POU2F2: variants seen among roughly 807,000 people sequenced by gnomAD.
The protein encoded by POU2F2 is POU domain, class 2, transcription factor 2.
In POU2F2, 14 loss-of-function variants were observed where a neutral mutation model predicts 63.5. The ratio of observed to expected loss-of-function variants is 0.22; its 90% CI spans 0.15 to 0.34. The LOEUF is 0.34. POU2F2 is among the 10% of genes least tolerant of loss of function. The pLI is 1.00. For synonymous variants in POU2F2, 306 were observed against 348.6 expected (o/e 0.88, Z 1.36); for missense variants, 607 against 815.2 (o/e 0.74, Z 3.11).
chr19:42,190,685 C>G (rs543069461), intron 1 of POU2F2, among the ~76,000 whole-genome samples: 1 of 152,014 alleles, frequency 6.6e-6, no homozygotes, highest in Non-Finnish European at 1.5e-5. Context: ...GAAAGCCTGT[C>G]TCTATTAAAA....
intron 1 of POU2F2, among the ~76,000 whole-genome samples, chr19:42,195,327 T>TTGC (rs1408015305): frequency 1.1e-3 from 163 of 148,300 alleles, no homozygotes; most frequent in African/African-American, 4.1e-3. Context: ...CCTCCCTCTT[T>TTGC]TTCTTTTTTT....
intron 1 of POU2F2, among the ~76,000 whole-genome samples, chr19:42,193,353 G>A (rs984106693): frequency 2.6e-5 from 4 of 152,130 alleles, no homozygotes; most frequent in African/African-American, 7.2e-5. Context: ...GAAATGAAGA[G>A]ATTATCCTGG....
intron 7 of POU2F2, among the ~76,000 whole-genome samples, chr19:42,097,953 T>C (rs2076985678): frequency 6.6e-6 from 1 of 152,204 alleles, no homozygotes; most frequent in South Asian, 2.1e-4. Context: ...ATCCACCCAC[T>C]CTCACCCCTC....
intron 2 of POU2F2, among the ~76,000 whole-genome samples, chr19:42,160,147 C>T (rs1198463747): frequency 1.3e-5 from 2 of 151,994 alleles, no homozygotes; most frequent in African/African-American, 2.4e-5. Context: ...TGGTTTGGCC[C>T]GAAAGCCACA....
Position 42,090,693 on chromosome 19 carries a change from GC to G in POU2F2, c.*563del, listed in dbSNP as rs2076681708. ...AAGAACATTTGGTGGGTGGTGCTAA[GC>G]CCCAGCCCATCTGCCCAGGCTGTGC... is the stretch of plus-strand genomic sequence containing the variant. On this transcript the variant is annotated 3_prime_UTR_variant, in exon 15 of 15. Transcript: ENST00000692977. This position sits in a 1 kb window ranked among gnomAD's most constrained non-coding sequence, Gnocchi z 4.4. The G allele has an allele frequency of 6.5e-6, 1 of 153,352 alleles. No individual in the cohort carries two copies. Among genetic ancestry groups the G allele is most frequent in the South Asian group, 2.0e-4 (1 of 4,880 alleles). 9.5% of individuals were successfully genotyped at this position (153,352 alleles called of 1,614,324 possible).
At chr19:42,173,993 C>T (rs1252075033) in intron 1 of POU2F2, among the ~76,000 whole-genome samples, 2 of 152,194 alleles carry the variant, frequency 1.3e-5, no homozygotes, top group Non-Finnish European at 2.9e-5. Flanking sequence ...TTTGTTACTA[C>T]AGAAGGTCCA....
At chr19:42,129,053 G>A (rs1286466242) in intron 1 of POU2F2, among the ~76,000 whole-genome samples, 23 of 152,018 alleles carry the variant, frequency 1.5e-4, no homozygotes, top group East Asian at 9.7e-4. Context: ...GGCTGGTCTC[G>A]AACTCCTGAC....
chr19:42,117,501 G>T lies in POU2F2; in HGVS notation c.187-69C>A. ...GCTGGCACAGGAGGAGCAGACTGGGGTGTGGACATGAGGGTGCAGTCTGTG... is the reference window on the plus strand; with the variant it reads ...GCTGGCACAGGAGGAGCAGACTGGGTTGTGGACATGAGGGTGCAGTCTGTG... On this transcript the variant is annotated intron_variant, in intron 4 of 14. Coordinates refer to ENST00000692977, the MANE Select transcript of POU2F2 (RefSeq NM_001394376.1). The surrounding 1 kb of genome is among the most constrained non-coding windows in gnomAD (Gnocchi z 4.4). 2.9e-6 allele frequency: 2 copies of T among 700,582 alleles called. No individual in the cohort carries two copies. The highest frequency in any genetic ancestry group is 2.8e-5 in the East Asian group (1 of 35,532). 43.4% of individuals were successfully genotyped at this position (700,582 alleles called of 1,614,324 possible). A position where few individuals can be genotyped will look rare whatever the true frequency, so the allele number is the denominator to read the frequency against.
intron 1 of POU2F2, among the ~76,000 whole-genome samples, chr19:42,190,394 G>T (rs927406844): frequency 2.0e-5 from 3 of 152,020 alleles, no homozygotes; most frequent in Non-Finnish European, 4.4e-5. Context: ...AGACTGAAAG[G>T]GTAGGGTTGT....
rs2034383380 is a variant in POU2F2 at position 42,152,925 on chromosome 19, C to G, written c.-9+7407G>C. On this transcript the variant is annotated intron_variant, in intron 2 of 6. Transcript: ENST00000524801. The surrounding 1 kb of genome is among the most constrained non-coding windows in gnomAD (Gnocchi z 4.1). ...GGTTCAGAGAGACACTGTCCTGAGC[C>G]CATGAGGCAGGGGAAGGTCTGGGGT... 6.6e-6 allele frequency among the ~76,000 whole-genome samples: 1 copy of G among 152,120 alleles called. No individual in the cohort carries two copies. Among genetic ancestry groups the G allele is most frequent in the Non-Finnish European group, 1.5e-5 (1 of 68,016 alleles).
intron 7 of POU2F2, 182 bp downstream of exon 7, chr19:42,099,345 T>C (rs1258031485): frequency 1.0e-5 from 6 of 601,768 alleles, no homozygotes; most frequent in Non-Finnish European, 1.8e-5. Flanking sequence ...CCTCATTCTA[T>C]AGAGGAAGAG....
At chr19:42,186,182 G>A (rs1339075948) in intron 1 of POU2F2, among the ~76,000 whole-genome samples, 2 of 151,928 alleles carry the variant, frequency 1.3e-5, no homozygotes, top group Non-Finnish European at 2.9e-5. Flanking sequence ...AAAATTAGCC[G>A]GGTGTGGTGG....
At chr19:42,122,055 C>T (rs10421547) in intron 4 of POU2F2, 71 bp downstream of exon 4, 85,917 of 1,472,730 alleles carry the variant, frequency 0.058, 2,864 homozygotes, top group Non-Finnish European at 0.066. Context: ...AGCCCTTGGA[C>T]TGAGGCAGGC....
At chr19:42,114,870 G>A (rs921521613) in intron 5 of POU2F2, among the ~76,000 whole-genome samples, 5 of 152,198 alleles carry the variant, frequency 3.3e-5, no homozygotes, top group East Asian at 1.9e-4. Flanking sequence ...GCTGAGCACC[G>A]TGGCTCATGC....
chr19:42,155,146 A>G lies in POU2F2; in HGVS notation c.-9+5186T>C, dbSNP rs960870922. ...CCTGCCTCAGCTGCAGCTGCCCCGC[A>G]CTGTTTTTTCTTTCTCATTGTCCCC... On this transcript the variant is annotated intron_variant, in intron 2 of 6. Transcript: ENST00000524801. The surrounding 1 kb of genome is among the most constrained non-coding windows in gnomAD (Gnocchi z 4.2). Among the ~76,000 whole-genome samples the G allele has an allele frequency of 2.0e-5, 3 of 152,040 alleles. No individual in the cohort carries two copies. The highest frequency in any genetic ancestry group is 7.2e-5 in the African/African-American group (3 of 41,382).
chr19:42,150,684 C>T (rs1394460659), intron 2 of POU2F2, among the ~76,000 whole-genome samples: 1 of 152,020 alleles, frequency 6.6e-6, no homozygotes, highest in African/African-American at 2.4e-5. Flanking sequence ...CTCCTGCAGC[C>T]ACCGCTTAGT....
upstream of POU2F2, among the ~76,000 whole-genome samples, chr19:42,133,941 AAGGACTG>A (rs1363843290): frequency 6.6e-6 from 1 of 152,074 alleles, no homozygotes; most frequent in African/African-American, 2.4e-5. The surrounding 1 kb of genome is among the most constrained non-coding windows in gnomAD (Gnocchi z 5.1). Flanking sequence ...GCACAACAGG[AAGGACTG>A]GCAGTTCTCA....
intron 1 of POU2F2, among the ~76,000 whole-genome samples, chr19:42,192,239 A>G (rs1321878682): frequency 6.6e-6 from 1 of 152,192 alleles, no homozygotes; most frequent in Admixed American, 6.5e-5. Flanking sequence ...GAGGAAGTCT[A>G]TGAGCAGGTG....
chr19:42,105,550 TAG>T lies in POU2F2; in HGVS notation c.370-5731_370-5730del, dbSNP rs60465698. Among the ~76,000 whole-genome samples the T allele has an allele frequency of 9.7e-3, 1,471 of 152,278 alleles. 86 individuals are homozygous for T. In the South Asian group the frequency reaches 0.12, roughly 13 times the overall value. ...AAAATTCCCCTTTCCTCCAGAAGCC[TAG>T]AGAGGTGTCTGTGGGTTTCGTTCTG... On this transcript the variant is annotated intron_variant, in intron 5 of 14. Transcript: ENST00000692977.
Sources: allele counts gnomAD v4.1 joint callset (sites outside exome capture counted in the v4.1 genomes callset), GRCh38; gene constraint gnomAD v4.1.1; non-coding constraint Gnocchi (gnomAD v3.1); transcripts MANE v1.5; gene names NCBI Gene and HGNC (gene_info 2026-07-23, HGNC 2026-07-21).